ADAMTS3: variants seen among roughly 807,000 people sequenced by gnomAD.
The protein encoded by ADAMTS3 is A disintegrin and metalloproteinase with thrombospondin motifs 3.
Under a neutral mutation model 129.0 loss-of-function variants are expected in ADAMTS3, and 73 were observed. That is an observed-to-expected ratio of 0.57 (90% CI 0.47 to 0.69). ADAMTS3 has a LOEUF of 0.69. Among genes scored for constraint, ADAMTS3 ranks in the 30% least tolerant of loss-of-function variants. The pLI is 0.00. For missense variants in ADAMTS3, 1,457 were observed against 1,514.5 expected, an observed-to-expected ratio of 0.96 and a Z score of 0.63; for synonymous variants, 477 against 510.8, an observed-to-expected ratio of 0.93 and a Z score of 0.89.
At position 72,545,080 on chromosome 4, in the gene ADAMTS3, C is replaced by CT. The variant is rs201733065; in HGVS notation, c.504+3397dup. On this transcript the variant is annotated intron_variant, in intron 3 of 21. Coordinates refer to ENST00000286657, the MANE Select transcript of ADAMTS3 (RefSeq NM_014243.3). ...AAAATATTATTTAAATTTGAAAACT[C>CT]TTTTTTTTGTTTGTTTGTTTGTTTT... Among the ~76,000 whole-genome samples, 1,038 of 151,696 alleles carry CT rather than the reference C, an allele frequency of 6.8e-3. 19 individuals carry two copies. Among genetic ancestry groups the CT allele is most frequent in the African/African-American group, 0.023 (949 of 41,422 alleles).
chr4:72,564,093 A>C lies in ADAMTS3; in HGVS notation c.97+3281T>G, dbSNP rs575966802. On this transcript the variant is annotated intron_variant, in intron 2 of 21. Coordinates refer to ENST00000286657, the MANE Select transcript of ADAMTS3 (RefSeq NM_014243.3). Reference sequence around the variant, plus strand: ...ATGTAATGGAATTTGCAACTGAGGAACAGAAATAGGACAGATGCCCCAATT... The same window carrying C: ...ATGTAATGGAATTTGCAACTGAGGACCAGAAATAGGACAGATGCCCCAATT... Among the ~76,000 whole-genome samples the C allele has an allele frequency of 7.9e-5, 12 of 152,306 alleles. No individual in the cohort carries two copies. The South Asian group carries it at 2.5e-3, about 32-fold the overall frequency.
chr4:72,517,470 C>T (rs1720521623), intron 3 of ADAMTS3, among the ~76,000 whole-genome samples: 1 of 152,136 alleles, frequency 6.6e-6, no homozygotes, highest in Admixed American at 6.5e-5. Flanking sequence ...TGGTCCTGGA[C>T]TCTTTTTGGT....
intron 16 of ADAMTS3, among the ~76,000 whole-genome samples, chr4:72,304,812 T>C (rs572672411): frequency 8.5e-5 from 13 of 152,170 alleles, no homozygotes; most frequent in Non-Finnish European, 1.5e-5. Flanking sequence ...ATTGAAAATG[T>C]GTGAAAAACA....
chr4:72,514,080 C>T (rs1720387380), intron 3 of ADAMTS3, among the ~76,000 whole-genome samples: 1 of 152,094 alleles, frequency 6.6e-6, no homozygotes, highest in Non-Finnish European at 1.5e-5. Context: ...TCCTCACCCC[C>T]TCTCCTTCTC....
At chr4:72,545,382 A>G (rs1038465137) in intron 3 of ADAMTS3, among the ~76,000 whole-genome samples, 1 of 152,148 alleles carries the variant, frequency 6.6e-6, no homozygotes, top group Non-Finnish European at 1.5e-5. Context: ...ATACAACACT[A>G]GGTACATTCT....
intron 3 of ADAMTS3, among the ~76,000 whole-genome samples, chr4:72,421,597 T>C (rs1055402356): frequency 6.6e-6 from 1 of 152,056 alleles, no homozygotes; most frequent in Non-Finnish European, 1.5e-5. Context: ...GTAACTGCAG[T>C]GAAGAAGACG....
At chr4:72,454,888 T>C (rs1718501274) in intron 3 of ADAMTS3, among the ~76,000 whole-genome samples, 1 of 151,646 alleles carries the variant, frequency 6.6e-6, no homozygotes, top group Non-Finnish European at 1.5e-5. Flanking sequence ...TTAGTCAAAA[T>C]GGAAATTTAC....
intron 10 of ADAMTS3, among the ~76,000 whole-genome samples, 191 bp from the exon 11 acceptor site, chr4:72,316,162 T>C (rs1179617135): frequency 2.0e-5 from 3 of 152,232 alleles, no homozygotes; most frequent in Non-Finnish European, 4.4e-5. Context: ...TCTGCTTTTC[T>C]AAAATAACAA....
At chr4:72,476,948 T>G (rs893897823) in intron 3 of ADAMTS3, among the ~76,000 whole-genome samples, 7 of 152,254 alleles carry the variant, frequency 4.6e-5, no homozygotes, top group African/African-American at 1.7e-4. Context: ...TATCAAATGA[T>G]GCAGAAAAAA....
intron 3 of ADAMTS3, among the ~76,000 whole-genome samples, chr4:72,480,241 C>T (rs1033744795): frequency 6.6e-6 from 1 of 152,176 alleles, no homozygotes; most frequent in African/African-American, 2.4e-5. Context: ...AAGACACATG[C>T]ACACGTATGT....
intron 3 of ADAMTS3, among the ~76,000 whole-genome samples, chr4:72,463,803 A>G (rs1718845449): frequency 6.6e-6 from 1 of 151,778 alleles, no homozygotes; most frequent in Admixed American, 6.6e-5. Context: ...TTGTCCAGTT[A>G]CAGGTGGCTA....
chr4:72,556,504 A>G lies in ADAMTS3; in HGVS notation c.98-7620T>C, dbSNP rs553949968. Among the ~76,000 whole-genome samples the G allele has an allele frequency of 4.6e-5, 7 of 151,888 alleles. No individual in the cohort carries two copies. In the East Asian group the frequency reaches 1.2e-3, roughly 25 times the overall value. On this transcript the variant is annotated intron_variant, in intron 2 of 21. Coordinates refer to ENST00000286657, the MANE Select transcript of ADAMTS3 (RefSeq NM_014243.3). ...TCAGTATAAATCTCTTATATGTCACACAAATTTTTAAGGGTCTAATCAATA... is the reference window on the plus strand; with the variant it reads ...TCAGTATAAATCTCTTATATGTCACGCAAATTTTTAAGGGTCTAATCAATA...
At position 72,497,194 on chromosome 4, in the gene ADAMTS3, A is replaced by C. The variant is rs566554077; in HGVS notation, c.504+51284T>G. ...AAGCTGTTGGAAGTATTTTATCTTAAGAACAAATGCAAATGTACTTTATTC... is the reference window on the plus strand; with the variant it reads ...AAGCTGTTGGAAGTATTTTATCTTACGAACAAATGCAAATGTACTTTATTC... On this transcript the variant is annotated intron_variant, in intron 3 of 21. Transcript: ENST00000286657. Among the ~76,000 whole-genome samples, 63 of 152,212 alleles carry C rather than the reference A, an allele frequency of 4.1e-4. 1 individual carries two copies. In the South Asian group the frequency reaches 0.013, roughly 32 times the overall value.
At chr4:72,322,259 C>T (rs1719575371) in intron 6 of ADAMTS3, among the ~76,000 whole-genome samples, 1 of 152,092 alleles carries the variant, frequency 6.6e-6, no homozygotes, top group East Asian at 1.9e-4. Flanking sequence ...GAAATGCAAA[C>T]ACATGGATTT....
chr4:72,307,640 T>C (rs1719122865), intron 15 of ADAMTS3, among the ~76,000 whole-genome samples: 1 of 152,040 alleles, frequency 6.6e-6, no homozygotes. Context: ...TCACAATGCA[T>C]TTGTAATAGA....
chr4:72,351,158 G>A (rs1170242019), intron 4 of ADAMTS3, among the ~76,000 whole-genome samples: 2 of 152,004 alleles, frequency 1.3e-5, no homozygotes, highest in Non-Finnish European at 2.9e-5. Context: ...CTTGCAGACT[G>A]TTGTTTCAGA....
chr4:72,530,072 C>T (rs552435898), intron 3 of ADAMTS3, among the ~76,000 whole-genome samples: 1,869 of 2,198 alleles, frequency 0.85, 878 homozygotes, highest in Admixed American at 0.92. Flanking sequence ...TTATATATAA[C>T]ATATTATATT....
chr4:72,472,612 T>G (rs374025965), intron 3 of ADAMTS3, among the ~76,000 whole-genome samples: 1 of 152,088 alleles, frequency 6.6e-6, no homozygotes, highest in Non-Finnish European at 1.5e-5. Context: ...AAGGAGACAT[T>G]AAAATTAGAT....
chr4:72,452,299 T>C (rs1200786246), intron 3 of ADAMTS3, among the ~76,000 whole-genome samples: 2 of 150,934 alleles, frequency 1.3e-5, no homozygotes, highest in African/African-American at 4.9e-5. Context: ...ATTTTTATTA[T>C]TAACATAATA....
Sources: allele counts gnomAD v4.1 joint callset (sites outside exome capture counted in the v4.1 genomes callset), GRCh38; gene constraint gnomAD v4.1.1; transcripts MANE v1.5; gene names NCBI Gene and HGNC (gene_info 2026-07-23, HGNC 2026-07-21).